RYK: variants seen among roughly 807,000 people sequenced by gnomAD.
RYK encodes the protein inactive tyrosine-protein kinase RYK.
RYK carries 21 observed loss-of-function variants against 70.2 expected under a neutral mutation model. The ratio of observed to expected loss-of-function variants is 0.30; its 90% confidence interval spans 0.21 to 0.43. RYK has a LOEUF of 0.43. Among genes scored for constraint, RYK ranks in the 20% least tolerant of loss-of-function variants. The pLI, the probability that RYK is intolerant of heterozygous loss-of-function variation, is 1.00. For missense variants in RYK, 604 were observed against 753.3 expected (o/e 0.80, Z 2.32); for synonymous variants, 267 against 278.0 (o/e 0.96, Z 0.39).
chr3:134,219,222 T>G (rs2014657165), intron 2 of RYK, among the ~76,000 whole-genome samples: 5 of 152,162 alleles, frequency 3.3e-5, no homozygotes, highest in Non-Finnish European at 7.4e-5. Flanking sequence ...GAGCCCCTCC[T>G]ACCTGCTCTC....
At chr3:134,215,718 T>G (rs1233943733) in intron 2 of RYK, among the ~76,000 whole-genome samples, 1 of 152,110 alleles carries the variant, frequency 6.6e-6, no homozygotes, top group Non-Finnish European at 1.5e-5. Flanking sequence ...TTTATCAGAA[T>G]GTAGAGTGAG....
chr3:134,183,085 AAAGAAAATGTCTTGAATAATAATACTAC>A lies in RYK; in HGVS notation c.1103-42_1103-15del. On this transcript the variant is annotated splice_polypyrimidine_tract_variant and intron_variant, in intron 9 of 14. Transcript: ENST00000623711. ...CAGAAGCTTGATCTATATATAAAGA[AAAGAAAATGTCTTGAATAATAATACTAC>A]ATATATGGCATTAACATTTTCTGCT... The A allele has an allele frequency of 6.7e-7, 1 of 1,500,218 alleles. No individual in the cohort carries two copies. The highest frequency in any genetic ancestry group is 9.1e-7 in the Non-Finnish European group (1 of 1,102,174). The allele number at this position is 1,500,218 out of a possible 1,614,324, so 92.9% of individuals were successfully genotyped here.
chr3:134,212,111 C>T (rs1393072858), intron 2 of RYK, among the ~76,000 whole-genome samples: 1 of 152,188 alleles, frequency 6.6e-6, no homozygotes, highest in Non-Finnish European at 1.5e-5. Flanking sequence ...TAAGTCACAT[C>T]CTCTAGTCTT....
chr3:134,190,285 GCTT>G (rs2013605308), intron 8 of RYK, among the ~76,000 whole-genome samples: 2 of 152,154 alleles, frequency 1.3e-5, no homozygotes, highest in South Asian at 2.1e-4. Flanking sequence ...GCTTGACTGA[GCTT>G]CTTAACTCTC....
At chr3:134,171,625 G>C (rs1370681465) in intron 13 of RYK, among the ~76,000 whole-genome samples, 1 of 152,186 alleles carries the variant, frequency 6.6e-6, no homozygotes, top group Non-Finnish European at 1.5e-5. Flanking sequence ...CCAGTGCTTT[G>C]AGAGGTCAAG....
At chr3:134,246,331 CACACACACACACAG>C (rs2015465032) in intron 1 of RYK, among the ~76,000 whole-genome samples, 2 of 144,886 alleles carry the variant, frequency 1.4e-5, no homozygotes, top group African/African-American at 5.2e-5. Flanking sequence ...CACACACACA[CACACACACACACAG>C]AGAGAGAGAA....
rs758064171 is a variant in RYK, at chr3:134,163,365, T to C, written c.1576-3992A>G. Among the ~76,000 whole-genome samples, 2 of 152,240 alleles carry C rather than the reference T, an allele frequency of 1.3e-5. 1 individual carries two copies. The highest frequency in any genetic ancestry group is 1.3e-4 in the Admixed American group (2 of 15,290). ...ACAGACTTATTCTATAATTTCCTTC[T>C]GTTTGACGTCGGTGGAAAGGGGGCA... On this transcript the variant is annotated intron_variant, in intron 13 of 14. Coordinates refer to ENST00000623711, the MANE Select transcript of RYK (RefSeq NM_002958.4).
At chr3:134,210,568 G>C (rs146621430) in intron 3 of RYK, among the ~76,000 whole-genome samples, 347 of 152,294 alleles carry the variant, frequency 2.3e-3, no homozygotes, top group African/African-American at 8.0e-3. Flanking sequence ...ACTGATAACA[G>C]TGAATATGAC....
intron 2 of RYK, among the ~76,000 whole-genome samples, chr3:134,221,187 GTTCT>G (rs1464833100): frequency 7.9e-6 from 1 of 126,534 alleles, no homozygotes; most frequent in Non-Finnish European, 1.6e-5. Flanking sequence ...AGTCTTAACA[GTTCT>G]TTTTCTTTTT....
chr3:134,172,701 T>C (rs2012959080), intron 13 of RYK, among the ~76,000 whole-genome samples: 1 of 152,258 alleles, frequency 6.6e-6, no homozygotes, highest in Non-Finnish European at 1.5e-5. Flanking sequence ...ATAACCTGCT[T>C]TGCATATTTG....
chr3:134,245,947 G>T (rs79548042), intron 1 of RYK, among the ~76,000 whole-genome samples: 18 of 152,156 alleles, frequency 1.2e-4, no homozygotes, highest in African/African-American at 4.1e-4. Flanking sequence ...ATTATAGACA[G>T]TCAAGGATCA....
rs116254638 is a variant in RYK, at chr3:134,175,954, T to C, written c.1391A>G (p.Lys464Arg). The C allele has an allele frequency of 1.2e-3, 1,869 of 1,609,056 alleles. 30 individuals are homozygous for C. The African/African-American group carries it at 0.022, about 19-fold the overall frequency. The change falls in exon 12 of 15, where the codon AAA (lysine) becomes AGA (arginine). Residue 464 changes from lysine (K) to arginine (R), a missense_variant. By Grantham distance (26) the Lys-to-Arg change is conservative. Around this residue, in one of 2 missense-constraint regions of RYK, gnomAD observed 138 missense variants for 217.4 expected, o/e 0.63. Transcript: ENST00000623711. Reference sequence around the variant, plus strand: ...CACACAGTTCCTGGCAGCCAGGTCTTTGTGGATGACTTCCCTTCTGGCCAG... The same window carrying C: ...CACACAGTTCCTGGCAGCCAGGTCTCTGTGGATGACTTCCCTTCTGGCCAG... ...SYLARREVIH[K>R]DLAARNCVID...
intron 2 of RYK, among the ~76,000 whole-genome samples, chr3:134,213,230 A>C (rs987689826): frequency 6.6e-6 from 1 of 152,224 alleles, no homozygotes; most frequent in Non-Finnish European, 1.5e-5. Flanking sequence ...GGTGCACAAA[A>C]GAAATCAGCA....
chr3:134,196,041 C>G (rs767801149), intron 6 of RYK, among the ~76,000 whole-genome samples: 6 of 152,082 alleles, frequency 3.9e-5, no homozygotes, highest in African/African-American at 7.2e-5. Context: ...CATCCAACTT[C>G]TGGGAAATCT....
intron 1 of RYK, among the ~76,000 whole-genome samples, chr3:134,247,267 G>A (rs1365548911): frequency 1.3e-5 from 2 of 152,074 alleles, no homozygotes; most frequent in African/African-American, 4.8e-5. Flanking sequence ...GAAAGTCAAA[G>A]ACTTATTCTA....
intron 13 of RYK, among the ~76,000 whole-genome samples, chr3:134,167,297 A>G (rs1008696713): frequency 2.6e-5 from 4 of 152,224 alleles, no homozygotes; most frequent in African/African-American, 9.6e-5. Flanking sequence ...AGACAATCCT[A>G]AGCCAGAAGA....
chr3:134,230,673 G>C (rs528688765), intron 1 of RYK, among the ~76,000 whole-genome samples: 2 of 152,352 alleles, frequency 1.3e-5, no homozygotes, highest in East Asian at 3.9e-4. Context: ...GAGTGGAAGG[G>C]AAACTGTTGA....
At chr3:134,245,769 G>A (rs1185952919) in intron 1 of RYK, among the ~76,000 whole-genome samples, 1 of 152,130 alleles carries the variant, frequency 6.6e-6, no homozygotes, top group Non-Finnish European at 1.5e-5. Flanking sequence ...ACCAGAGGCA[G>A]GAGATGATGA....
chr3:134,246,301 AATACACAC>A lies in RYK; in HGVS notation c.232+4114_232+4121del, dbSNP rs1339228503. Among the ~76,000 whole-genome samples, 343 of 103,658 alleles carry A rather than the reference AATACACAC, an allele frequency of 3.3e-3. 4 individuals are homozygous for A. The highest frequency in any genetic ancestry group is 8.3e-3 in the African/African-American group (212 of 25,532). 68.0% of individuals were successfully genotyped at this position (103,658 alleles called of 152,430 possible). A position where few individuals can be genotyped will look rare whatever the true frequency, so the allele number is the denominator to read the frequency against. Reference sequence around the variant, plus strand: ...CAAACCAACAGACATCTCAGAAAGAAATACACACACACACACACACACACACACACACA... The same window carrying A: ...CAAACCAACAGACATCTCAGAAAGAAACACACACACACACACACACACACA... On this transcript the variant is annotated intron_variant, in intron 1 of 14. Transcript: ENST00000623711.
Sources: allele counts gnomAD v4.1 joint callset (sites outside exome capture counted in the v4.1 genomes callset), GRCh38; gene constraint gnomAD v4.1.1; regional missense constraint gnomAD v4.1.1; transcripts MANE v1.5; gene names NCBI Gene and HGNC (gene_info 2026-07-23, HGNC 2026-07-21).